The following FAM135A variants were observed in gnomAD, a reference collection of about 807,000 sequenced individuals.
FAM135A encodes family with sequence similarity 135 member A, also known as protein FAM135A.
Under a neutral mutation model 146.8 loss-of-function variants are expected in FAM135A, and 79 were observed. The observed-to-expected ratio is 0.54, with a 90% confidence interval of 0.45 to 0.65. The LOEUF (loss-of-function observed/expected upper bound fraction) is 0.65. Ranked by LOEUF, FAM135A falls within the 30% of genes least tolerant of loss-of-function variation. The probability of loss-of-function intolerance (pLI) is 0.00; values close to 1 mark genes in which losing one functional copy is unlikely to be tolerated. For missense variants in FAM135A, 1,623 were observed against 1,758.2 expected (o/e 0.92, Z 1.38); for synonymous variants, 562 against 603.6 (o/e 0.93, Z 1.01).
intron 4 of FAM135A, among the ~76,000 whole-genome samples, chr6:70,449,247 T>G (rs1776512894): frequency 6.6e-6 from 1 of 152,212 alleles, no homozygotes; most frequent in South Asian, 2.1e-4. Context: ...ACTTTTTTTT[T>G]TGTGGTGAGA....
chr6:70,556,456 A>G (rs952931181), intron 20 of FAM135A, among the ~76,000 whole-genome samples: 4 of 152,200 alleles, frequency 2.6e-5, no homozygotes, highest in Non-Finnish European at 4.4e-5. Flanking sequence ...AATACTTTCT[A>G]TAGAACATTA....
chr6:70,554,362 G>A (rs1800420716), intron 20 of FAM135A, among the ~76,000 whole-genome samples: 1 of 152,116 alleles, frequency 6.6e-6, no homozygotes, highest in African/African-American at 2.4e-5. Context: ...TTAAAATTTG[G>A]TCAAATAAGA....
intron 4 of FAM135A, among the ~76,000 whole-genome samples, chr6:70,438,474 G>A (rs558573503): frequency 1.1e-4 from 16 of 152,304 alleles, no homozygotes; most frequent in African/African-American, 3.4e-4. Context: ...TCTCAGGACA[G>A]AAATTCTTTT....
At position 70,546,502 on chromosome 6, in the gene FAM135A, C is replaced by T. The variant is rs113894456; in HGVS notation, c.4228+8101C>T. 4.2e-3 allele frequency among the ~76,000 whole-genome samples: 639 copies of T among 152,240 alleles called. 4 individuals are homozygous for T. The highest frequency in any genetic ancestry group is 0.015 in the African/African-American group (603 of 41,542). ...AACAGTCTTTTTCTATGCAACATATCATTAGTTAATAGCTTTCCTTTTATT... is the reference window on the plus strand; with the variant it reads ...AACAGTCTTTTTCTATGCAACATATTATTAGTTAATAGCTTTCCTTTTATT... On this transcript the variant is annotated intron_variant, in intron 20 of 21. Coordinates refer to ENST00000418814, the MANE Select transcript of FAM135A (RefSeq NM_001162529.3).
In FAM135A at chr6:70,423,518, C is replaced by T. The variant is rs549298853; in HGVS notation, c.-133-2921C>T. On this transcript the variant is annotated intron_variant, in intron 2 of 21. Coordinates refer to ENST00000418814, the MANE Select transcript of FAM135A (RefSeq NM_001162529.3). ...TTGGTCCTAATCTATGTGATCAAAA[C>T]TAGGGACACTGTCAAGTTGGTATTC... Among the ~76,000 whole-genome samples, 6 of 152,244 alleles carry T rather than the reference C, an allele frequency of 3.9e-5. No homozygotes were observed. In the East Asian group the frequency reaches 5.8e-4, roughly 15 times the overall value.
chr6:70,530,412 G>T (rs1363951853), intron 16 of FAM135A, among the ~76,000 whole-genome samples: 3 of 151,956 alleles, frequency 2.0e-5, no homozygotes, highest in Non-Finnish European at 4.4e-5. Flanking sequence ...AAGAATAAAA[G>T]AATTATCTCT....
At chr6:70,465,065 A>G (rs1435364972) in intron 5 of FAM135A, among the ~76,000 whole-genome samples, 1 of 151,674 alleles carries the variant, frequency 6.6e-6, no homozygotes, top group Non-Finnish European at 1.5e-5. Flanking sequence ...GTCAACCCAC[A>G]TTCTGCTTTC....
intron 5 of FAM135A, among the ~76,000 whole-genome samples, chr6:70,469,244 A>G (rs896989514): frequency 1.3e-5 from 2 of 152,176 alleles, no homozygotes; most frequent in Non-Finnish European, 2.9e-5. Flanking sequence ...GTATTCAGTA[A>G]ATATTTGTTG....
chr6:70,506,745 T>C (rs1229764582), intron 12 of FAM135A, among the ~76,000 whole-genome samples: 2 of 151,284 alleles, frequency 1.3e-5, no homozygotes, highest in Non-Finnish European at 2.9e-5. Flanking sequence ...TTTCTTTTTT[T>C]TTTTTTAATT....
chr6:70,520,790 T>C (rs777743953), intron 12 of FAM135A, among the ~76,000 whole-genome samples: 3 of 152,226 alleles, frequency 2.0e-5, no homozygotes, highest in Non-Finnish European at 4.4e-5. Context: ...CATACCTTAG[T>C]TATGGCCACA....
intron 11 of FAM135A, among the ~76,000 whole-genome samples, chr6:70,496,965 C>G (rs1043410968): frequency 6.6e-6 from 1 of 152,058 alleles, no homozygotes; most frequent in African/African-American, 2.4e-5. Flanking sequence ...GTTCTTTTTG[C>G]TTAGGATTGT....
chr6:70,478,760 C>G (rs1783115725), intron 8 of FAM135A, among the ~76,000 whole-genome samples: 1 of 151,974 alleles, frequency 6.6e-6, no homozygotes, highest in Admixed American at 6.6e-5. Context: ...GTTTTGCTGT[C>G]TTTTTCTTAC....
intron 5 of FAM135A, among the ~76,000 whole-genome samples, chr6:70,474,864 G>A (rs1163093112): frequency 6.6e-6 from 1 of 152,126 alleles, no homozygotes; most frequent in Non-Finnish European, 1.5e-5. Context: ...GGATATTGAG[G>A]TTATATCACT....
intron 11 of FAM135A, among the ~76,000 whole-genome samples, chr6:70,499,606 C>T (rs1788045722): frequency 6.6e-6 from 1 of 152,118 alleles, no homozygotes; most frequent in Non-Finnish European, 1.5e-5. Context: ...TGTGTTTTTA[C>T]AGTGGCTGGT....
At chr6:70,460,433 C>G (rs1204670615) in intron 5 of FAM135A, among the ~76,000 whole-genome samples, 1 of 152,184 alleles carries the variant, frequency 6.6e-6, no homozygotes, top group Non-Finnish European at 1.5e-5. Context: ...ATCAAGGTTG[C>G]TGACATTCAT....
chr6:70,518,499 G>T (rs758352355), intron 12 of FAM135A, among the ~76,000 whole-genome samples: 1 of 152,148 alleles, frequency 6.6e-6, no homozygotes, highest in Non-Finnish European at 1.5e-5. Context: ...GTTTTCAATG[G>T]AGATAAAACA....
At chr6:70,439,211 G>A (rs552481559) in intron 4 of FAM135A, among the ~76,000 whole-genome samples, 16 of 152,266 alleles carry the variant, frequency 1.1e-4, no homozygotes, top group African/African-American at 3.4e-4. Flanking sequence ...GGGAGACATG[G>A]ACCCAGAAAC....
intron 5 of FAM135A, among the ~76,000 whole-genome samples, chr6:70,455,449 T>C (rs909270819): frequency 1.3e-5 from 2 of 152,066 alleles, no homozygotes; most frequent in Non-Finnish European, 2.9e-5. Context: ...TATATGTATA[T>C]ATATTTTGTA....
intron 12 of FAM135A, among the ~76,000 whole-genome samples, chr6:70,514,593 C>T (rs143940984): frequency 1.5e-3 from 226 of 152,270 alleles, no homozygotes; most frequent in African/African-American, 5.0e-3. Context: ...AAACTCCTGT[C>T]CCCAAAATTG....
Sources: gnomAD v4.1 joint callset for allele counts (sites outside exome capture counted in the v4.1 genomes callset) on GRCh38, gnomAD v4.1.1 for gene constraint, MANE v1.5 for transcripts, NCBI Gene and HGNC (gene_info 2026-07-23, HGNC 2026-07-21) for gene names.